Variants in NEDD9 observed in about 807,000 individuals in gnomAD.
The protein encoded by NEDD9 is neural precursor cell expressed, developmentally down-regulated 9, also known as enhancer of filamentation 1.
In NEDD9, 26 loss-of-function variants were observed where a neutral mutation model predicts 76.6. The ratio of observed to expected loss-of-function variants is 0.34; its 90% CI spans 0.25 to 0.47. NEDD9 has a LOEUF of 0.47. Among genes scored for constraint, NEDD9 ranks in the 20% least tolerant of loss-of-function variants. The pLI is 1.00. For synonymous variants in NEDD9, 392 were observed against 414.2 expected (o/e 0.95, Z 0.65); for missense variants, 937 against 1,058.5 (o/e 0.89, Z 1.59).
rs545098511 is a variant in NEDD9 at position 11,342,882 on chromosome 6, T to A, written c.-213-8321A>T. Among the ~76,000 whole-genome samples, 385 of 152,326 alleles carry A rather than the reference T, an allele frequency of 2.5e-3. 1 individual carries two copies. Among genetic ancestry groups the A allele is most frequent in the African/African-American group, 8.8e-3 (365 of 41,572 alleles). The stretch of plus-strand genomic sequence containing the variant: ...AAAAGACTTAACATGCATAGTTGCA[T>A]ATTAAATTCTAGGACAGGAAAAACT... On this transcript the variant is annotated intron_variant, in intron 1 of 3. Transcript: ENST00000397378.
At chr6:11,207,980 C>T (rs1015054927) in intron 2 of NEDD9, among the ~76,000 whole-genome samples, 6 of 152,156 alleles carry the variant, frequency 3.9e-5, no homozygotes, top group Non-Finnish European at 7.4e-5. Context: ...GAGTTCAAGA[C>T]CAGCCTGGCC....
At chr6:11,207,634 T>A (rs1157582241) in intron 2 of NEDD9, 1 of 152,194 alleles carries the variant, frequency 6.6e-6, no homozygotes, top group Non-Finnish European at 1.5e-5. Context: ...CTTACCCCAG[T>A]CCAGACCATC....
Position 11,314,847 on chromosome 6 carries a change from A to AT in NEDD9, c.-152-8693dup, listed in dbSNP as rs1409472301. Among the ~76,000 whole-genome samples, 1,386 of 152,336 alleles carry AT rather than the reference A, an allele frequency of 9.1e-3. 15 individuals are homozygous for AT. Among genetic ancestry groups the AT allele is most frequent in the African/African-American group, 0.032 (1,312 of 41,584 alleles). On this transcript the variant is annotated intron_variant, in intron 2 of 3. Coordinates refer to the NEDD9 transcript ENST00000397378. ...TTCCTGAGTCTCAGTTTCCTCAGGC[A>AT]TCAAATAAAGAGATCAGACAAAAAT... is the stretch of plus-strand genomic sequence containing the variant.
intron 1 of NEDD9, among the ~76,000 whole-genome samples, chr6:11,349,498 T>G (rs1762424017): frequency 6.6e-6 from 1 of 152,164 alleles, no homozygotes; most frequent in African/African-American, 2.4e-5. Context: ...CTATTCACAA[T>G]AGCCAAGACA....
chr6:11,349,541 C>T (rs1435382213), intron 1 of NEDD9, among the ~76,000 whole-genome samples: 3 of 152,164 alleles, frequency 2.0e-5, no homozygotes, highest in Non-Finnish European at 4.4e-5. Context: ...CAATGATAGA[C>T]TGGATAAAGA....
intron 1 of NEDD9, among the ~76,000 whole-genome samples, chr6:11,381,614 T>C (rs1248004982): frequency 5.9e-5 from 9 of 152,184 alleles, no homozygotes; most frequent in Admixed American, 5.9e-4. Context: ...CTGTCACTTG[T>C]CCTCAGCCCC....
In NEDD9 at chr6:11,232,397, C is replaced by T; in HGVS notation, c.12+107G>A. The stretch of plus-strand genomic sequence containing the variant: ...AGTGACCGAGACTCATCTTAGAACT[C>T]TCCGGGACACACAAGGGACTGACAG... On this transcript the variant is annotated intron_variant, in intron 1 of 6. Transcript: ENST00000379446. The T allele has an allele frequency of 5.0e-6, 7 of 1,413,858 alleles. No individual in the cohort carries two copies. In the South Asian group the frequency reaches 8.2e-5, roughly 17 times the overall value. The allele number at this position is 1,413,858 out of a possible 1,614,324, so 87.6% of individuals were successfully genotyped here.
Position 11,190,987 on chromosome 6 carries a change from G to A in NEDD9, c.882C>T (p.His294=). ...GTGGGTGATTCGGGGACAGGCTCTG[G>A]TGCCTTCGAGCCACCGGTTCTGCAG... ...PGAAEPVARR[H]QSLSPNHPPP... is the part of the protein sequence containing the mutation. Residue 294 remains histidine (H), a synonymous_variant, in exon 5 of 7, where the codon CAC becomes CAT. Transcript: ENST00000379446. This position sits in a 1 kb window ranked among gnomAD's most constrained non-coding sequence, Gnocchi z 5.8. 8.1e-6 allele frequency: 13 copies of A among 1,613,990 alleles called. No individual in the cohort carries two copies. The highest frequency in any genetic ancestry group is 1.1e-5 in the Non-Finnish European group (13 of 1,179,990).
intron 1 of NEDD9, among the ~76,000 whole-genome samples, 161 bp downstream of exon 1, chr6:11,232,343 G>A (rs1759497420): frequency 6.8e-6 from 1 of 146,504 alleles, no homozygotes; most frequent in Non-Finnish European, 1.5e-5. Flanking sequence ...CCGGGTCTCT[G>A]CTTGCTTGTC....
chr6:11,278,507 G>C (rs73721519), intron 3 of NEDD9, among the ~76,000 whole-genome samples: 1 of 152,298 alleles, frequency 6.6e-6, no homozygotes, highest in African/African-American at 2.4e-5. Context: ...CTAGCTTGAG[G>C]TCACATTGCT....
At chr6:11,352,101 C>T (rs1289889090) in intron 1 of NEDD9, 1 of 152,286 alleles carries the variant, frequency 6.6e-6, no homozygotes, top group Non-Finnish European at 1.5e-5. Context: ...TTTCCAGTCT[C>T]CCTGCTCTTT....
chr6:11,280,274 TG>T (rs1333424118), intron 3 of NEDD9, among the ~76,000 whole-genome samples: 1 of 152,218 alleles, frequency 6.6e-6, no homozygotes, highest in Non-Finnish European at 1.5e-5. Context: ...CTGGGTACCC[TG>T]GGGCCAAGGA....
rs1267287858 is a variant in NEDD9 at position 11,350,053 on chromosome 6, C to T, written c.-213-15492G>A. ...GAGATGTTCATAGTTCACAGTTCTTCAGGAGCTGGCCTGGGCAATACAGTT... is the reference window on the plus strand; with the variant it reads ...GAGATGTTCATAGTTCACAGTTCTTTAGGAGCTGGCCTGGGCAATACAGTT... On this transcript the variant is annotated intron_variant, in intron 1 of 3. Coordinates refer to the NEDD9 transcript ENST00000397378. Among the ~76,000 whole-genome samples, 7 of 152,226 alleles carry T rather than the reference C, an allele frequency of 4.6e-5. No individual in the cohort carries two copies. In the East Asian group the frequency reaches 1.3e-3, roughly 29 times the overall value.
chr6:11,290,803 G>A (rs999381612), intron 3 of NEDD9, among the ~76,000 whole-genome samples: 2 of 152,172 alleles, frequency 1.3e-5, no homozygotes, highest in South Asian at 4.1e-4. Context: ...CTTAAAAAGG[G>A]ATTGAAAGAA....
chr6:11,264,307 G>T (rs1760164649), intron 3 of NEDD9, among the ~76,000 whole-genome samples: 1 of 152,246 alleles, frequency 6.6e-6, no homozygotes, highest in South Asian at 2.1e-4. Context: ...GTGAGATGGC[G>T]CCCCCAGAGG....
At chr6:11,293,581 G>A (rs898440577) in intron 3 of NEDD9, among the ~76,000 whole-genome samples, 9 of 152,158 alleles carry the variant, frequency 5.9e-5, no homozygotes, top group Non-Finnish European at 7.3e-5. Context: ...CCACAACCAA[G>A]CTAATTGAAA....
chr6:11,196,077 C>T (rs547399731), intron 2 of NEDD9, among the ~76,000 whole-genome samples: 5 of 152,158 alleles, frequency 3.3e-5, no homozygotes, highest in African/African-American at 1.2e-4. Context: ...GGGCAAGGAT[C>T]GCGGATCACG....
intron 1 of NEDD9, among the ~76,000 whole-genome samples, chr6:11,374,902 T>G (rs1267497428): frequency 6.6e-6 from 1 of 152,240 alleles, no homozygotes; most frequent in South Asian, 2.1e-4. Context: ...GAAGATTCTT[T>G]TTTTTCTTTT....
chr6:11,202,015 T>C lies in NEDD9; in HGVS notation c.460-8323A>G, dbSNP rs150713678. The stretch of plus-strand genomic sequence containing the variant: ...CCCTAATGCCTAGTCAGGAGCTAGG[T>C]AACCCAGGATGTGCTCAGGAAATAA... On this transcript the variant is annotated intron_variant, in intron 2 of 6. Coordinates refer to ENST00000379446, the MANE Select transcript of NEDD9 (RefSeq NM_006403.4). Among the ~76,000 whole-genome samples, 901 of 151,256 alleles carry C rather than the reference T, an allele frequency of 6.0e-3. 4 individuals carry two copies. The highest frequency in any genetic ancestry group is 0.021 in the African/African-American group (856 of 40,810).
Sources: allele counts gnomAD v4.1 joint callset (sites outside exome capture counted in the v4.1 genomes callset), GRCh38; gene constraint gnomAD v4.1.1; non-coding constraint Gnocchi (gnomAD v3.1); transcripts MANE v1.5; gene names NCBI Gene and HGNC (gene_info 2026-07-23, HGNC 2026-07-21).